RANGRF: variants seen among roughly 807,000 people sequenced by gnomAD.
RANGRF encodes the protein MOG1 homolog.
In RANGRF, 17 loss-of-function variants were observed where a neutral mutation model predicts 21.8. The ratio of observed to expected loss-of-function variants is 0.78; its 90% CI spans 0.53 to 1.17. The LOEUF is 1.17. Among genes scored for constraint, RANGRF ranks in the 50% most tolerant of loss-of-function variants. The pLI is 0.00. For synonymous variants in RANGRF, 97 were observed against 94.3 expected (o/e 1.03, Z -0.17); for missense variants, 225 against 235.5 (o/e 0.96, Z 0.29).
chr17:8,289,794 T>C lies in RANGRF; in HGVS notation c.438-19T>C. The stretch of plus-strand genomic sequence containing the variant: ...AGGCCTGGATGATGTTCTGTCTCCA[T>C]CTGTTCCCCCACCCCAAGCCCTGAC... On this transcript the variant is annotated intron_variant, in intron 4 of 4. Transcript: ENST00000226105. 6.2e-7 allele frequency: 1 copy of C among 1,613,646 alleles called. No individual in the cohort carries two copies. Among genetic ancestry groups the C allele is most frequent in the Middle Eastern group, 1.8e-4 (1 of 5,660 alleles).
In RANGRF at chr17:8,289,305, A is replaced by T; in HGVS notation, c.242A>T (p.His81Leu). The T allele has an allele frequency of 6.2e-7, 1 of 1,614,088 alleles. No individual in the cohort carries two copies. Among genetic ancestry groups the T allele is most frequent in the South Asian group, 1.1e-5 (1 of 91,078 alleles). The part of the protein sequence containing the change: ...VGGVQGARAV[H>L]VESVQPLSLE... Reference sequence around the variant, plus strand: ...GGCGTGCAGGGGGCTAGGGCTGTCCATGTGGAGTCTGTTCAGCCTCTCAGT... The same window carrying T: ...GGCGTGCAGGGGGCTAGGGCTGTCCTTGTGGAGTCTGTTCAGCCTCTCAGT... Residue 81 changes from histidine to leucine, a missense_variant, in exon 3 of 5, where the codon CAT (histidine) becomes CTT (leucine). Physicochemically the swap from His to Leu is moderately conservative, Grantham distance 99. Coordinates refer to ENST00000226105, the MANE Select transcript of RANGRF (RefSeq NM_016492.5).
rs1567657108 is a variant in RANGRF at position 8,289,475 on chromosome 17, GTAAGCATCCTGAC to G, written c.352-26_352-14del. 6.2e-7 allele frequency: 1 copy of G among 1,614,188 alleles called. No homozygotes were observed. The highest frequency in any genetic ancestry group is 1.7e-5 in the Admixed American group (1 of 60,022). ...CGGTAGCGGGGACGCAGAGATCCAG[GTAAGCATCCTGAC>G]TCTGATCCCCTTAGGTAGCAAAGGA... On this transcript the variant is annotated splice_polypyrimidine_tract_variant and intron_variant, in intron 3 of 4. Coordinates refer to ENST00000226105, the MANE Select transcript of RANGRF (RefSeq NM_016492.5).
Position 8,289,498 on chromosome 17 carries a change from C to G in RANGRF, c.352-5C>G. ...AGGTAAGCATCCTGACTCTGATCCC[C>G]TTAGGTAGCAAAGGACGTGACACTT... On this transcript the variant is annotated splice_polypyrimidine_tract_variant and splice_region_variant and intron_variant, in intron 3 of 4. Transcript: ENST00000226105. 6.2e-7 allele frequency: 1 copy of G among 1,614,192 alleles called. No homozygotes were observed. Among genetic ancestry groups the G allele is most frequent in the East Asian group, 2.2e-5 (1 of 44,876 alleles).
At chr17:8,289,700 G>A in intron 4 of RANGRF, 112 bp downstream of exon 4, 1 of 1,610,896 alleles carries the variant, frequency 6.2e-7, no homozygotes, top group Admixed American at 1.7e-5. Context: ...AAGCAGGAGT[G>A]GGCCAGAGGT....
At position 8,288,984 on chromosome 17, in the gene RANGRF, G is replaced by C. The variant is rs1990256573; in HGVS notation, c.106G>C (p.Glu36Gln). The C allele has an allele frequency of 1.2e-6, 2 of 1,614,174 alleles. No individual in the cohort carries two copies. Among genetic ancestry groups the C allele is most frequent in the East Asian group, 4.5e-5 (2 of 44,874 alleles). Reference sequence around the variant, plus strand: ...CCTCCGACCGGTCCCGGACAATCAAGAAGTTTTCTGCCATCCCGTGACGGA... The same window carrying C: ...CCTCCGACCGGTCCCGGACAATCAACAAGTTTTCTGCCATCCCGTGACGGA... ...SDLRPVPDNQ[E>Q]VFCHPVTDQS... The change falls in exon 2 of 5, where the codon GAA (glutamate) becomes CAA (glutamine). Residue 36 changes from glutamate to glutamine, a missense_variant. Coordinates refer to ENST00000226105, the MANE Select transcript of RANGRF (RefSeq NM_016492.5).
rs1197568871 is a variant in RANGRF, at chr17:8,288,786, C to T, written c.-3C>T. The T allele has an allele frequency of 1.2e-6, 2 of 1,614,090 alleles. No homozygotes were observed. Among genetic ancestry groups the T allele is most frequent in the South Asian group, 2.2e-5 (2 of 91,088 alleles). The stretch of plus-strand genomic sequence containing the variant: ...CTAATGCCCATAACCCAGCCTCAGA[C>T]CCATGGAGCCCACGAGAGACTGCCC... On this transcript the variant is annotated 5_prime_UTR_variant, in exon 1 of 5. Coordinates refer to ENST00000226105, the MANE Select transcript of RANGRF (RefSeq NM_016492.5).
At chr17:8,289,771 G>A in intron 4 of RANGRF, 42 bp from the exon 5 acceptor site, 1 of 1,613,652 alleles carries the variant, frequency 6.2e-7, no homozygotes, top group Non-Finnish European at 8.5e-7. Context: ...CAAACCTCAG[G>A]CCTGGATGAT....
intron 2 of RANGRF, 69 bp from the exon 3 acceptor site, chr17:8,289,189 T>C: frequency 6.2e-7 from 1 of 1,603,896 alleles, no homozygotes; most frequent in South Asian, 1.1e-5. Flanking sequence ...GAGCCAGGCC[T>C]GCAACTTAAA....
Position 8,289,065 on chromosome 17 carries a change from G to C in RANGRF, c.187G>C (p.Ala63Pro). ...GCAGGCCCACGTACGGGGCGAAGCG[G>C]CTGCGCGGTGAGGGAATGGCCCCCG... The part of the protein sequence containing the change: ...ELQAHVRGEA[A>P]ARYHFEDVGG... Residue 63 changes from alanine (A) to proline (P), a missense_variant, in exon 2 of 5, where the codon GCT (alanine) becomes CCT (proline). Ala to Pro is a conservative substitution (Grantham distance 27). Coordinates refer to ENST00000226105, the MANE Select transcript of RANGRF (RefSeq NM_016492.5). 2 of 1,613,564 alleles carry C rather than the reference G, an allele frequency of 1.2e-6. No individual in the cohort carries two copies. Among genetic ancestry groups the C allele is most frequent in the Non-Finnish European group, 1.7e-6 (2 of 1,179,924 alleles).
In RANGRF at chr17:8,288,794, G is replaced by T. The variant is rs1424357193; in HGVS notation, c.6G>T (p.Glu2Asp). 4 of 1,614,118 alleles carry T rather than the reference G, an allele frequency of 2.5e-6. No homozygotes were observed. The East Asian group carries it at 8.9e-5, about 36-fold the overall frequency. ...CATAACCCAGCCTCAGACCCATGGA[G>T]CCCACGAGAGACTGCCCGCTGTTCG... The part of the protein sequence containing the change: M[E>D]PTRDCPLFGG... Residue 2 changes from glutamate to aspartate, a missense_variant, in exon 1 of 5, where the codon GAG becomes GAT. Coordinates refer to ENST00000226105, the MANE Select transcript of RANGRF (RefSeq NM_016492.5).
rs1256239543 is a variant in RANGRF, at chr17:8,289,084, G to GC, written c.194+17dup. 6.2e-7 allele frequency: 1 copy of GC among 1,612,696 alleles called. No homozygotes were observed. Among genetic ancestry groups the GC allele is most frequent in the South Asian group, 1.1e-5 (1 of 91,064 alleles). On this transcript the variant is annotated intron_variant, in intron 2 of 4. Coordinates refer to ENST00000226105, the MANE Select transcript of RANGRF (RefSeq NM_016492.5). ...GAAGCGGCTGCGCGGTGAGGGAATG[G>GC]CCCCCGGCTGGCCAATGGCAGGGGC...
chr17:8,288,901 G>C, intron 1 of RANGRF, 36 bp downstream of exon 1: 1 of 1,614,040 alleles, frequency 6.2e-7, no homozygotes, highest in Non-Finnish European at 8.5e-7. Flanking sequence ...CGGCTGACTG[G>C]GTGGGTTGTG....
chr17:8,289,318 T>C lies in RANGRF; in HGVS notation c.255T>C (p.Val85=). Reference sequence around the variant, plus strand: ...CTAGGGCTGTCCATGTGGAGTCTGTTCAGCCTCTCAGTTTGGAGAACCTGG... The same window carrying C: ...CTAGGGCTGTCCATGTGGAGTCTGTCCAGCCTCTCAGTTTGGAGAACCTGG... ...QGARAVHVES[V]QPLSLENLAL... Residue 85 remains valine (V), a synonymous_variant, in exon 3 of 5, where the codon GTT becomes GTC. Coordinates refer to ENST00000226105, the MANE Select transcript of RANGRF (RefSeq NM_016492.5). 1.9e-6 allele frequency: 3 copies of C among 1,614,140 alleles called. No homozygotes were observed. Among genetic ancestry groups the C allele is most frequent in the Non-Finnish European group, 2.5e-6 (3 of 1,180,034 alleles).
In RANGRF at chr17:8,289,589, G is replaced by A. The variant is rs112229569; in HGVS notation, c.437+1G>A. 1 of 1,611,890 alleles carries A rather than the reference G, an allele frequency of 6.2e-7. No homozygotes were observed. Among genetic ancestry groups the A allele is most frequent in the South Asian group, 1.1e-5 (1 of 91,058 alleles). ...TCTTGCTTACCTTCAATCAGCCCCC[G>A]TAAGGAGGAAGGAACGGGCGGGTAT... On this transcript the variant is annotated splice_donor_variant, in intron 4 of 4. Coordinates refer to ENST00000226105, the MANE Select transcript of RANGRF (RefSeq NM_016492.5). LOFTEE classifies it high-confidence loss of function.
Position 8,288,943 on chromosome 17 carries a change from C to T in RANGRF, c.78-13C>T, listed in dbSNP as rs765840977. 1 of 1,614,018 alleles carries T rather than the reference C, an allele frequency of 6.2e-7. No individual in the cohort carries two copies. ...GACCGGGGTCAACCAGGGTCTGCCT[C>T]GCCTCACTCCAGCGACCTCCGACCG... On this transcript the variant is annotated splice_polypyrimidine_tract_variant and intron_variant, in intron 1 of 4. Transcript: ENST00000226105.
chr17:8,289,473 A>G, intron 3 of RANGRF, 30 bp from the exon 4 acceptor site: 2 of 1,614,182 alleles, frequency 1.2e-6, no homozygotes, highest in Non-Finnish European at 1.7e-6. Flanking sequence ...GCAGAGATCC[A>G]GGTAAGCATC....
Position 8,289,055 on chromosome 17 carries a change from G to C in RANGRF, c.177G>C (p.Arg59=), listed in dbSNP as rs758596981. The C allele has an allele frequency of 2.5e-6, 4 of 1,613,790 alleles. No individual in the cohort carries two copies. The highest frequency in any genetic ancestry group is 3.4e-6 in the Non-Finnish European group (4 of 1,179,980). ...VELLELQAHV[R]GEAAARYHFE... The stretch of plus-strand genomic sequence containing the variant: ...TTCTCGAGCTGCAGGCCCACGTACG[G>C]GGCGAAGCGGCTGCGCGGTGAGGGA... The change falls in exon 2 of 5, where the codon CGG becomes CGC. Residue 59 remains arginine (R), a synonymous_variant. Transcript: ENST00000226105.
chr17:8,289,044 G>A lies in RANGRF; in HGVS notation c.166G>A (p.Ala56Thr). Residue 56 changes from alanine to threonine, a missense_variant, in exon 2 of 5, where the codon GCC becomes ACC. By Grantham distance (58) the Ala-to-Thr change is moderately conservative. Coordinates refer to ENST00000226105, the MANE Select transcript of RANGRF (RefSeq NM_016492.5). ...GATAGTGGAACTTCTCGAGCTGCAG[G>A]CCCACGTACGGGGCGAAGCGGCTGC... ...SLIVELLELQ[A>T]HVRGEAAARY... The A allele has an allele frequency of 6.2e-7, 1 of 1,613,918 alleles. No individual in the cohort carries two copies. The highest frequency in any genetic ancestry group is 8.5e-7 in the Non-Finnish European group (1 of 1,180,012).
rs372652045 is a variant in RANGRF, at chr17:8,288,912, G to A, written c.78-44G>A. 5 of 1,613,976 alleles carry A rather than the reference G, an allele frequency of 3.1e-6. No homozygotes were observed. The African/African-American group carries it at 6.7e-5, about 22-fold the overall frequency. On this transcript the variant is annotated intron_variant, in intron 1 of 4. Transcript: ENST00000226105. ...GGGGCGGCTGACTGGGTGGGTTGTG[G>A]GAAGAGACCGGGGTCAACCAGGGTC...
Sources: gnomAD v4.1 joint callset for allele counts on GRCh38, gnomAD v4.1.1 for gene constraint, MANE v1.5 for transcripts, NCBI Gene and HGNC (gene_info 2026-07-23, HGNC 2026-07-21) for gene names.